Variants in TTLL12 observed in about 807,000 individuals in gnomAD.
TTLL12 encodes the protein tubulin--tyrosine ligase-like protein 12.
Under a neutral mutation model 79.6 loss-of-function variants are expected in TTLL12, and 77 were observed. That is an observed-to-expected ratio of 0.97 (90% CI 0.81 to 1.17). The LOEUF is 1.17. Among genes scored for constraint, TTLL12 ranks in the 50% most tolerant of loss-of-function variants. The pLI, the probability that TTLL12 is intolerant of heterozygous loss-of-function variation, is 0.00. For missense variants in TTLL12, 969 were observed against 895.9 expected (o/e 1.08, Z -1.04); for synonymous variants, 437 against 376.1 (o/e 1.16, Z -1.87).
In TTLL12 at chr22:43,186,932, T is replaced by C; in HGVS notation, c.138A>G (p.Glu46=). Residue 46 remains glutamate (E), a synonymous_variant, in exon 1 of 14, where the codon GAA becomes GAG. Coordinates refer to ENST00000216129, the MANE Select transcript of TTLL12 (RefSeq NM_015140.4). ...TGTGCAGGAGGCGGCCCCAGTAACGTTCGGGGACCCCCGAAGCGCGCAGCG... is the reference window on the plus strand; with the variant it reads ...TGTGCAGGAGGCGGCCCCAGTAACGCTCGGGGACCCCCGAAGCGCGCAGCG... ...GPALRASGVP[E]RYWGRLLHKL... is the part of the protein sequence containing the mutation. The C allele has an allele frequency of 1.5e-6, 2 of 1,364,588 alleles. No homozygotes were observed. Among genetic ancestry groups the C allele is most frequent in the South Asian group, 1.6e-5 (1 of 63,346 alleles). The allele number at this position is 1,364,588 out of a possible 1,614,324, so 84.5% of individuals were successfully genotyped here.
intron 9 of TTLL12, 147 bp from the exon 10 acceptor site, chr22:43,172,701 C>CTTT: frequency 1.9e-5 from 12 of 632,374 alleles, no homozygotes; most frequent in Non-Finnish European, 2.5e-5. Context: ...GCTGCAAAGT[C>CTTT]TTTTTTTTTT....
chr22:43,176,354 T>C lies in TTLL12; in HGVS notation c.883A>G (p.Asn295Asp). The part of the protein sequence containing the change: ...ENKEKLPLDI[N>D]PVVHPHGHIF... ...TGGCCGTGGGGGTGCACCACGGGGT[T>C]GATGTCAAGTGGCAGCTTCTCCTTG... Residue 295 changes from asparagine to aspartate, a missense_variant, in exon 6 of 14, where the codon AAC becomes GAC. Coordinates refer to ENST00000216129, the MANE Select transcript of TTLL12 (RefSeq NM_015140.4). 2 of 1,605,002 alleles carry C rather than the reference T, an allele frequency of 1.2e-6. No homozygotes were observed. Among genetic ancestry groups the C allele is most frequent in the Non-Finnish European group, 1.7e-6 (2 of 1,176,918 alleles).
At chr22:43,181,736 C>A (rs1276999653) in intron 2 of TTLL12, among the ~76,000 whole-genome samples, 1 of 152,230 alleles carries the variant, frequency 6.6e-6, no homozygotes, top group East Asian at 1.9e-4. Context: ...AAAGGGACAG[C>A]CAGTGTTCCA....
chr22:43,180,952 G>T lies in TTLL12; in HGVS notation c.348-12C>A. The T allele has an allele frequency of 1.9e-6, 3 of 1,606,662 alleles. No individual in the cohort carries two copies. Among genetic ancestry groups the T allele is most frequent in the Non-Finnish European group, 2.6e-6 (3 of 1,176,472 alleles). On this transcript the variant is annotated splice_polypyrimidine_tract_variant and intron_variant, in intron 2 of 13. Transcript: ENST00000216129. Reference sequence around the variant, plus strand: ...CGATGAGGAAGATGCTGCGGGCACAGGCCACAATGTGAGGCTGCCGGGTGG... The same window carrying T: ...CGATGAGGAAGATGCTGCGGGCACATGCCACAATGTGAGGCTGCCGGGTGG...
intron 5 of TTLL12, among the ~76,000 whole-genome samples, chr22:43,179,069 G>A (rs34160795): frequency 0.091 from 13,843 of 152,062 alleles, 697 homozygotes; most frequent in Non-Finnish European, 0.11. Flanking sequence ...CTGGGGCCTC[G>A]ACAACTCCGA....
At chr22:43,180,559 C>T (rs574419517) in intron 3 of TTLL12, among the ~76,000 whole-genome samples, 183 bp downstream of exon 3, 14 of 152,236 alleles carry the variant, frequency 9.2e-5, no homozygotes, top group Admixed American at 2.6e-4. Flanking sequence ...GAGAGGGCTG[C>T]GTCCTGTGAG....
chr22:43,183,195 C>T, intron 1 of TTLL12, 46 bp from the exon 2 acceptor site: 1 of 1,605,282 alleles, frequency 6.2e-7, no homozygotes, highest in Non-Finnish European at 8.5e-7. Flanking sequence ...CAGGAGACCC[C>T]ACCCCAATGC....
intron 10 of TTLL12, 82 bp from the exon 11 acceptor site, chr22:43,171,982 C>T (rs1380884090): frequency 1.7e-5 from 21 of 1,208,072 alleles, no homozygotes; most frequent in Non-Finnish European, 2.4e-5. Flanking sequence ...TCAGCCTTCC[C>T]AACTAGGGGT....
intron 11 of TTLL12, among the ~76,000 whole-genome samples, chr22:43,170,782 A>G (rs1931745103): frequency 6.6e-6 from 1 of 152,126 alleles, no homozygotes; most frequent in African/African-American, 2.4e-5. Context: ...GCGTGGAGGC[A>G]CGTGCCCGTA....
In TTLL12 at chr22:43,167,364, G is replaced by C. The variant is rs1346593009; in HGVS notation, c.*644C>G. 1 of 319,868 alleles carries C rather than the reference G, an allele frequency of 3.1e-6. No individual in the cohort carries two copies. The highest frequency in any genetic ancestry group is 2.2e-5 in the African/African-American group (1 of 45,782). The allele number at this position is 319,868 out of a possible 1,614,324, so 19.8% of individuals were successfully genotyped here. A position where few individuals can be genotyped will look rare whatever the true frequency, so the allele number is the denominator to read the frequency against. On this transcript the variant is annotated 3_prime_UTR_variant, in exon 14 of 14. Transcript: ENST00000216129. The stretch of plus-strand genomic sequence containing the variant: ...AACGGTAACAAGACGGTGGCCTCCT[G>C]CCAGGACCTCAGCAGGAGGTTTGCT...
chr22:43,175,679 TA>T, intron 6 of TTLL12: 1 of 151,542 alleles, frequency 6.6e-6, no homozygotes, highest in Admixed American at 6.6e-5. Flanking sequence ...GAATTTATTT[TA>T]TTTTTTTTTA....
chr22:43,182,130 G>A (rs969047226), intron 2 of TTLL12, among the ~76,000 whole-genome samples: 1 of 151,112 alleles, frequency 6.6e-6, no homozygotes, highest in African/African-American at 2.4e-5. Flanking sequence ...GGCTGGCAGC[G>A]GGGTATGTGG....
intron 1 of TTLL12, chr22:43,186,089 C>A: frequency 2.2e-6 from 2 of 889,428 alleles, no homozygotes; most frequent in Non-Finnish European, 2.7e-6. Context: ...GGTCCCTGTT[C>A]TTGGCTCTGG....
intron 1 of TTLL12, chr22:43,186,130 C>T: frequency 2.6e-6 from 1 of 382,622 alleles, no homozygotes; most frequent in Non-Finnish European, 3.6e-6. Flanking sequence ...CGCCACTAGG[C>T]TCATCTCCGT....
chr22:43,177,509 G>A (rs1931946419), intron 5 of TTLL12, among the ~76,000 whole-genome samples: 2 of 152,326 alleles, frequency 1.3e-5, no homozygotes, highest in Admixed American at 1.3e-4. Flanking sequence ...AAGGTGGAAG[G>A]GACAGGGTTG....
At chr22:43,179,409 G>T (rs1931994614) in intron 5 of TTLL12, among the ~76,000 whole-genome samples, 2 of 151,966 alleles carry the variant, frequency 1.3e-5, no homozygotes, top group African/African-American at 4.8e-5. Flanking sequence ...GGCACCCTGG[G>T]ATCTGGAGCC....
intron 1 of TTLL12, among the ~76,000 whole-genome samples, chr22:43,184,593 A>G (rs574916625): frequency 6.6e-6 from 1 of 152,238 alleles, no homozygotes; most frequent in Non-Finnish European, 1.5e-5. Context: ...ATGAGAGACA[A>G]GGCACCTGAG....
chr22:43,173,350 G>A (rs994626397), intron 9 of TTLL12, among the ~76,000 whole-genome samples: 1 of 152,108 alleles, frequency 6.6e-6, no homozygotes, highest in Admixed American at 6.6e-5. Context: ...TTGCTCTGTC[G>A]CCCAGGGCGG....
chr22:43,173,624 A>G (rs1158583989), intron 9 of TTLL12, 91 bp downstream of exon 9: 1 of 1,268,254 alleles, frequency 7.9e-7, no homozygotes, highest in Admixed American at 2.3e-5. Context: ...GGACCTGTCC[A>G]TAAGGACCAT....
Sources: gnomAD v4.1 joint callset for allele counts (sites outside exome capture counted in the v4.1 genomes callset) on GRCh38, gnomAD v4.1.1 for gene constraint, MANE v1.5 for transcripts, NCBI Gene and HGNC (gene_info 2026-07-23, HGNC 2026-07-21) for gene names.